SF3B3: variants seen among roughly 807,000 people sequenced by gnomAD.
SF3B3 encodes the protein SAP 130.
A neutral mutation model predicts 139.2 loss-of-function variants in SF3B3; 33 were observed. That is an observed-to-expected ratio of 0.24 (90% CI 0.18 to 0.32). SF3B3 has a LOEUF of 0.32. SF3B3 is among the 10% of genes least tolerant of loss of function. The pLI is 1.00. For synonymous variants in SF3B3, 596 were observed against 563.6 expected (o/e 1.06, Z -0.81); for missense variants, 818 against 1,509.4 (o/e 0.54, Z 7.59).
chr16:70,545,234 T>C (rs2050256679), intron 10 of SF3B3, among the ~76,000 whole-genome samples: 1 of 152,082 alleles, frequency 6.6e-6, no homozygotes, highest in South Asian at 2.1e-4. Context: ...ACCCAGCTAA[T>C]TTTTGTACTT....
At chr16:70,550,556 C>A (rs779482551) in intron 11 of SF3B3, 2 of 517,850 alleles carry the variant, frequency 3.9e-6, no homozygotes, top group Non-Finnish European at 5.0e-6. Flanking sequence ...TTCCTTCTGC[C>A]TGCACATGCA....
chr16:70,541,536 A>G, intron 8 of SF3B3, 133 bp from the exon 9 acceptor site: 2 of 678,356 alleles, frequency 2.9e-6, no homozygotes, highest in Non-Finnish European at 4.8e-6. Context: ...TGTCGTACTT[A>G]GTGATAACAC....
intron 11 of SF3B3, among the ~76,000 whole-genome samples, chr16:70,549,021 A>C (rs2050295956): frequency 6.6e-6 from 1 of 152,218 alleles, no homozygotes; most frequent in African/African-American, 2.4e-5. Flanking sequence ...TAAAACTTTG[A>C]AAGTAATAGG....
chr16:70,565,255 A>G lies in SF3B3; in HGVS notation c.2654A>G (p.Asn885Ser). The change falls in exon 19 of 26, where the codon AAT becomes AGT. Residue 885 changes from asparagine (N) to serine (S), a missense_variant. Physicochemically the swap from Asn to Ser is conservative, Grantham distance 46 (BLOSUM62 1). This residue lies in a region of SF3B3 where 145 missense variants were observed against 153.6 expected (regional missense o/e 0.94). Coordinates refer to ENST00000302516, the MANE Select transcript of SF3B3 (RefSeq NM_012426.5). ...NTLDLVQLEQNEAAFSVAVCR... is the reference protein window; with the variant it reads ...NTLDLVQLEQSEAAFSVAVCR... Reference sequence around the variant, plus strand: ...CTGGACCTTGTCCAGCTGGAACAGAATGAGGCAGCTTTTAGGTAAGCAGCC... The same window carrying G: ...CTGGACCTTGTCCAGCTGGAACAGAGTGAGGCAGCTTTTAGGTAAGCAGCC... 6.2e-7 allele frequency: 1 copy of G among 1,614,212 alleles called. No homozygotes were observed. Among genetic ancestry groups the G allele is most frequent in the South Asian group, 1.1e-5 (1 of 91,090 alleles).
At position 70,556,172 on chromosome 16, in the gene SF3B3, C is replaced by T. The variant is rs376984734; in HGVS notation, c.1711-7C>T. On this transcript the variant is annotated splice_region_variant and splice_polypyrimidine_tract_variant and intron_variant, in intron 13 of 25. Transcript: ENST00000302516. ...GTTTTGACCTTGCTGTGTCTTTCCTCCTGTAGTCAGGACAGCTGAATGAGT... is the reference window on the plus strand; with the variant it reads ...GTTTTGACCTTGCTGTGTCTTTCCTTCTGTAGTCAGGACAGCTGAATGAGT... The T allele has an allele frequency of 2.0e-5, 33 of 1,614,022 alleles. No homozygotes were observed. Among genetic ancestry groups the T allele is most frequent in the East Asian group, 1.1e-4 (5 of 44,898 alleles).
intron 3 of SF3B3, among the ~76,000 whole-genome samples, chr16:70,529,741 G>A (rs1264017853): frequency 6.6e-6 from 1 of 152,116 alleles, no homozygotes; most frequent in Non-Finnish European, 1.5e-5. Context: ...TAGGAAGAAG[G>A]GGGCCACAAT....
rs1474476309 is a variant in SF3B3, at chr16:70,570,126, C to T, written c.3385C>T (p.Leu1129Phe). Residue 1129 changes from leucine to phenylalanine, a missense_variant, in exon 24 of 26, where the codon CTT (leucine) becomes TTT (phenylalanine). Coordinates refer to ENST00000302516, the MANE Select transcript of SF3B3 (RefSeq NM_012426.5). ...CACCTTGTCTGGAGGAATTGGCATC[C>T]TTGTGCCATTCACGTCCCATGAGGT... Reference protein sequence around the residue: ...YTTLSGGIGILVPFTSHEDHD... With the variant: ...YTTLSGGIGIFVPFTSHEDHD... 1.2e-6 allele frequency: 2 copies of T among 1,614,124 alleles called. No individual in the cohort carries two copies.
At chr16:70,530,207 A>T (rs2151775239) in intron 3 of SF3B3, among the ~76,000 whole-genome samples, 1 of 151,624 alleles carries the variant, frequency 6.6e-6, no homozygotes, top group East Asian at 1.9e-4. Context: ...GCTGCCCAGG[A>T]TGGTCTTGAA....
intron 6 of SF3B3, among the ~76,000 whole-genome samples, chr16:70,536,701 A>T (rs892549457): frequency 2.0e-5 from 3 of 150,850 alleles, no homozygotes; most frequent in Non-Finnish European, 4.4e-5. Context: ...CATGTTGGCC[A>T]TTCTCGTCCC....
rs569418219 is a variant in SF3B3 at position 70,527,582 on chromosome 16, T to A, written c.70+856T>A. Among the ~76,000 whole-genome samples the A allele has an allele frequency of 7.2e-5, 11 of 152,364 alleles. No individual in the cohort carries two copies. The East Asian group carries it at 2.1e-3, about 29-fold the overall frequency. ...CCTCATTATGGCTCTTCCTGCGGGTTTGAGTCTTCATTTGGGTAATTTAGT... is the reference window on the plus strand; with the variant it reads ...CCTCATTATGGCTCTTCCTGCGGGTATGAGTCTTCATTTGGGTAATTTAGT... On this transcript the variant is annotated intron_variant, in intron 2 of 25. Coordinates refer to ENST00000302516, the MANE Select transcript of SF3B3 (RefSeq NM_012426.5).
intron 4 of SF3B3, 101 bp downstream of exon 4, chr16:70,531,018 A>C: frequency 9.4e-7 from 1 of 1,060,466 alleles, no homozygotes; most frequent in Non-Finnish European, 1.4e-6. Flanking sequence ...CTGTAATCCC[A>C]GCACTTTGGG....
In SF3B3 at chr16:70,571,528, G is replaced by A; in HGVS notation, c.3514-145G>A. 3.6e-6 allele frequency: 3 copies of A among 844,074 alleles called. 1 individual carries two copies. In the African/African-American group the frequency reaches 5.1e-5, roughly 14 times the overall value. 52.3% of individuals were successfully genotyped at this position (844,074 alleles called of 1,614,324 possible). A position where few individuals can be genotyped will look rare whatever the true frequency, so the allele number is the denominator to read the frequency against. ...TGCAGTGAGCTAAGATTATCCCACT[G>A]CACTGCAACCCGGATGATAGGGTGA... is the stretch of plus-strand genomic sequence containing the variant. On this transcript the variant is annotated intron_variant, in intron 25 of 25. Transcript: ENST00000302516.
Position 70,535,370 on chromosome 16 carries a change from A to G in SF3B3, c.775A>G (p.Lys259Glu). Residue 259 changes from lysine to glutamate, a missense_variant, in exon 6 of 26, where the codon AAG becomes GAG. This residue lies in a region of SF3B3 where 80 missense variants were observed against 206.5 expected (regional missense o/e 0.39). Transcript: ENST00000302516. ...LICSENYITY[K>E]NFGDQPDIRC... is the part of the protein sequence containing the mutation. ...CTGCTCTGAAAACTATATTACTTAC[A>G]AGAACTTTGGTGACCAGCCAGATAT... 1 of 1,612,040 alleles carries G rather than the reference A, an allele frequency of 6.2e-7. No homozygotes were observed. The highest frequency in any genetic ancestry group is 8.5e-7 in the Non-Finnish European group (1 of 1,178,878).
Position 70,554,495 on chromosome 16 carries a change from G to A in SF3B3, c.1452G>A (p.Val484=). Residue 484 remains valine (V), a synonymous_variant, in exon 12 of 26, where the codon GTG becomes GTA. Coordinates refer to ENST00000302516, the MANE Select transcript of SF3B3 (RefSeq NM_012426.5). ...IIVSFVNATL[V]LSIGETVEEV... The stretch of plus-strand genomic sequence containing the variant: ...TGTCTTTCGTGAATGCCACCCTAGT[G>A]TTGTCCATTGGAGAAACTGTAGAAG... The A allele has an allele frequency of 1.2e-6, 2 of 1,614,150 alleles. No homozygotes were observed. Among genetic ancestry groups the A allele is most frequent in the Non-Finnish European group, 1.7e-6 (2 of 1,179,980 alleles).
At chr16:70,569,007 G>A (rs1246306799) in intron 22 of SF3B3, 36 bp from the exon 23 acceptor site, 14 of 1,501,548 alleles carry the variant, frequency 9.3e-6, no homozygotes, top group Admixed American at 3.6e-5. Flanking sequence ...AGCAGGTCCG[G>A]GCCCCAGCAG....
chr16:70,524,063 G>C (rs1170563479), intron 1 of SF3B3, 135 bp downstream of exon 1: 3 of 396,710 alleles, frequency 7.6e-6, no homozygotes, highest in Non-Finnish European at 1.3e-5. Flanking sequence ...GAGGTACCGA[G>C]GGATGGTTGA....
Position 70,523,885 on chromosome 16 carries a change from A to G in SF3B3, c.-114A>G. ...TGGTGGTGGCTTAAGTTTTGAAGGGAGGTAGCATCCGTTGGATATCCACAC... is the reference window on the plus strand; with the variant it reads ...TGGTGGTGGCTTAAGTTTTGAAGGGGGGTAGCATCCGTTGGATATCCACAC... On this transcript the variant is annotated 5_prime_UTR_variant, in exon 1 of 26. Transcript: ENST00000302516. 3 of 490,050 alleles carry G rather than the reference A, an allele frequency of 6.1e-6. No homozygotes were observed. Among genetic ancestry groups the G allele is most frequent in the Non-Finnish European group, 1.1e-5 (3 of 279,264 alleles). 30.4% of individuals were successfully genotyped at this position (490,050 alleles called of 1,614,324 possible).
rs2050547036 is a variant in SF3B3, at chr16:70,573,314, C to T, written c.*1501C>T. 6.6e-6 allele frequency: 1 copy of T among 152,194 alleles called. No individual in the cohort carries two copies. Among genetic ancestry groups the T allele is most frequent in the Non-Finnish European group, 1.5e-5 (1 of 68,046 alleles). 9.4% of individuals were successfully genotyped at this position (152,194 alleles called of 1,614,324 possible). On this transcript the variant is annotated 3_prime_UTR_variant, in exon 26 of 26. Transcript: ENST00000302516. ...TCCTGTGGCCCTAAATCCATTCTATCAAATTGTGTGATACTGACATGCAGT... is the reference window on the plus strand; with the variant it reads ...TCCTGTGGCCCTAAATCCATTCTATTAAATTGTGTGATACTGACATGCAGT...
In SF3B3 at chr16:70,526,578, T is replaced by C; in HGVS notation, c.-70-9T>C. 2.0e-6 allele frequency: 2 copies of C among 989,916 alleles called. No individual in the cohort carries two copies. Among genetic ancestry groups the C allele is most frequent in the Non-Finnish European group, 1.6e-6 (1 of 644,838 alleles). 61.3% of individuals were successfully genotyped at this position (989,916 alleles called of 1,614,324 possible). A position where few individuals can be genotyped will look rare whatever the true frequency, so the allele number is the denominator to read the frequency against. On this transcript the variant is annotated splice_polypyrimidine_tract_variant and intron_variant, in intron 1 of 25. Transcript: ENST00000302516. ...CTCCCAGCTATTTTTCTGTTTTCTG[T>C]TTTCTTAGCTTTCTTGGACTCCGTA...
Sources: allele counts gnomAD v4.1 joint callset (sites outside exome capture counted in the v4.1 genomes callset), GRCh38; gene constraint gnomAD v4.1.1; regional missense constraint gnomAD v4.1.1; transcripts MANE v1.5; gene names NCBI Gene and HGNC (gene_info 2026-07-23, HGNC 2026-07-21).